CHST8: variants seen among roughly 807,000 people sequenced by gnomAD.
CHST8 encodes the protein carbohydrate sulfotransferase 8, also known as GALNAC-4-ST1.
Under a neutral mutation model 15.0 loss-of-function variants are expected in CHST8, and 10 were observed. The ratio of observed to expected loss-of-function variants is 0.67; its 90% CI spans 0.41 to 1.13. The LOEUF is 1.13. CHST8 is among the 50% of genes most tolerant of loss of function. The pLI is 0.00. For missense variants in CHST8, 634 were observed against 608.2 expected (o/e 1.04, Z -0.45); for synonymous variants, 259 against 256.6 (o/e 1.01, Z -0.09).
chr19:33,623,611 G>GTTCA (rs1972014706), intron 1 of CHST8, among the ~76,000 whole-genome samples: 1 of 152,176 alleles, frequency 6.6e-6, no homozygotes, highest in Non-Finnish European at 1.5e-5. Flanking sequence ...TCTCTTCTGA[G>GTTCA]TTCACCTTGA....
chr19:33,627,922 C>A (rs1366644085), intron 1 of CHST8, among the ~76,000 whole-genome samples: 1 of 152,156 alleles, frequency 6.6e-6, no homozygotes, highest in Admixed American at 6.5e-5. Flanking sequence ...AATTCATTTT[C>A]TGCCAGACAA....
intron 3 of CHST8, among the ~76,000 whole-genome samples, chr19:33,734,691 G>A (rs1974052043): frequency 6.6e-6 from 1 of 152,126 alleles, no homozygotes; most frequent in South Asian, 2.1e-4. Context: ...GCCAGGAGGG[G>A]CATCACGAGT....
At chr19:33,721,534 A>T (rs1973788705) in intron 3 of CHST8, among the ~76,000 whole-genome samples, 2 of 150,684 alleles carry the variant, frequency 1.3e-5, no homozygotes, top group East Asian at 4.0e-4. Flanking sequence ...GGATGGATAG[A>T]TAGGTGGATG....
intron 2 of CHST8, chr19:33,684,658 G>A (rs1972943153): frequency 1.3e-5 from 2 of 152,218 alleles, no homozygotes; most frequent in Non-Finnish European, 1.5e-5. Context: ...CGCGCGCAGG[G>A]AAGAACTAGT....
chr19:33,627,435 C>G (rs1378315714), intron 1 of CHST8, among the ~76,000 whole-genome samples: 1 of 152,040 alleles, frequency 6.6e-6, no homozygotes, highest in Non-Finnish European at 1.5e-5. Flanking sequence ...TATTACCTAG[C>G]CTTAGGGATT....
intron 1 of CHST8, among the ~76,000 whole-genome samples, chr19:33,664,735 T>TC (rs1464363526): frequency 6.6e-6 from 1 of 151,994 alleles, no homozygotes; most frequent in African/African-American, 2.4e-5. Flanking sequence ...TTTGCTTTTT[T>TC]CCCCCCTTTA....
chr19:33,686,953 G>C (rs760849395), intron 2 of CHST8, among the ~76,000 whole-genome samples: 1 of 152,242 alleles, frequency 6.6e-6, no homozygotes, highest in African/African-American at 2.4e-5. Flanking sequence ...AGCTGCTCCC[G>C]AGAGACCTTG....
At chr19:33,745,037 A>G (rs1239141259) in intron 3 of CHST8, among the ~76,000 whole-genome samples, 1 of 152,126 alleles carries the variant, frequency 6.6e-6, no homozygotes. Flanking sequence ...ATGAGCCACC[A>G]TGCCCAGCCT....
chr19:33,715,916 T>A (rs750261827), intron 3 of CHST8, among the ~76,000 whole-genome samples: 2 of 152,210 alleles, frequency 1.3e-5, no homozygotes, highest in East Asian at 3.8e-4. Flanking sequence ...AGGAAGTCCA[T>A]AGAGGCTTTA....
At chr19:33,626,268 T>C (rs1972052308) in intron 1 of CHST8, among the ~76,000 whole-genome samples, 1 of 151,804 alleles carries the variant, frequency 6.6e-6, no homozygotes, top group South Asian at 2.1e-4. Flanking sequence ...TGTGATGTGG[T>C]GTTCTAGCCT....
intron 1 of CHST8, among the ~76,000 whole-genome samples, chr19:33,649,551 A>C (rs999532744): frequency 3.3e-5 from 5 of 152,208 alleles, no homozygotes; most frequent in Admixed American, 6.5e-5. Flanking sequence ...TTACAGGAAG[A>C]ACTATGAACA....
At chr19:33,692,303 C>G (rs561554254) in intron 3 of CHST8, among the ~76,000 whole-genome samples, 183 of 152,330 alleles carry the variant, frequency 1.2e-3, no homozygotes, top group Middle Eastern at 3.4e-3. Flanking sequence ...GGCCCTGAGG[C>G]CAGAGCTTCT....
chr19:33,680,279 CT>C (rs1190871941), intron 2 of CHST8, among the ~76,000 whole-genome samples: 1 of 152,178 alleles, frequency 6.6e-6, no homozygotes, highest in Non-Finnish European at 1.5e-5. Flanking sequence ...ATACCTGTTC[CT>C]TTTTCTTTTC....
At chr19:33,657,174 TACACAC>T (rs1568317149) in intron 1 of CHST8, among the ~76,000 whole-genome samples, 1 of 145,328 alleles carries the variant, frequency 6.9e-6, no homozygotes, top group Admixed American at 7.1e-5. Flanking sequence ...CATATACTTA[TACACAC>T]ATACACATAC....
intron 1 of CHST8, among the ~76,000 whole-genome samples, chr19:33,625,034 G>A (rs1972033349): frequency 1.3e-5 from 2 of 152,092 alleles, no homozygotes; most frequent in South Asian, 2.1e-4. Flanking sequence ...GTGGGGCAGC[G>A]GGGAACCTGT....
At chr19:33,676,502 A>G (rs556204728) in intron 2 of CHST8, among the ~76,000 whole-genome samples, 8 of 151,218 alleles carry the variant, frequency 5.3e-5, no homozygotes, top group Non-Finnish European at 1.2e-4. Context: ...CCCGGGAGGC[A>G]GAGGTTGCAG....
intron 3 of CHST8, among the ~76,000 whole-genome samples, chr19:33,769,375 A>G (rs1165169986): frequency 6.6e-6 from 1 of 152,242 alleles, no homozygotes; most frequent in African/African-American, 2.4e-5. Flanking sequence ...AGGAGTGACA[A>G]GCAGAGTGAT....
At chr19:33,679,898 A>G (rs1247421505) in intron 2 of CHST8, among the ~76,000 whole-genome samples, 1 of 152,180 alleles carries the variant, frequency 6.6e-6, no homozygotes, top group Non-Finnish European at 1.5e-5. Context: ...GGGCTGCCTC[A>G]TCTGAGATCA....
At chr19:33,715,247 C>T (rs1015478706) in intron 3 of CHST8, among the ~76,000 whole-genome samples, 3 of 152,312 alleles carry the variant, frequency 2.0e-5, no homozygotes, top group African/African-American at 7.2e-5. Flanking sequence ...CAGAAGCTCC[C>T]AATCCCCTCT....
Sources: gnomAD v4.1 joint callset for allele counts (sites outside exome capture counted in the v4.1 genomes callset) on GRCh38, gnomAD v4.1.1 for gene constraint, MANE v1.5 for transcripts, NCBI Gene and HGNC (gene_info 2026-07-23, HGNC 2026-07-21) for gene names.